The following RGS5 variants were observed in gnomAD, a reference collection of about 807,000 sequenced individuals.
RGS5 encodes the protein regulator of G protein signaling 5, also known as regulator of G-protein signalling 5.
A neutral mutation model predicts 18.9 loss-of-function variants in RGS5; 20 were observed. That is an observed-to-expected ratio of 1.06 (90% CI 0.74 to 1.54). RGS5 has a LOEUF of 1.54. Ranked by LOEUF, RGS5 falls within the 40% of genes most tolerant of loss-of-function variation. The probability of loss-of-function intolerance (pLI) is 0.00; values close to 1 mark genes in which losing one functional copy is unlikely to be tolerated. For synonymous variants in RGS5, 57 were observed against 76.2 expected, an observed-to-expected ratio of 0.75 and a Z score of 1.31; for missense variants, 201 against 211.8, an observed-to-expected ratio of 0.95 and a Z score of 0.32.
intron 2 of RGS5, among the ~76,000 whole-genome samples, chr1:163,293,162 G>C (rs1004997728): frequency 6.6e-6 from 1 of 152,184 alleles, no homozygotes; most frequent in African/African-American, 2.4e-5. Flanking sequence ...TTACATTTAA[G>C]TCTTTAATCC....
At chr1:163,265,823 C>T (rs1289032333) in intron 2 of RGS5, among the ~76,000 whole-genome samples, 2 of 152,130 alleles carry the variant, frequency 1.3e-5, no homozygotes. Flanking sequence ...ACCTCAATAA[C>T]CACTTCCTTT....
At chr1:163,267,909 C>A (rs1390859633) in intron 2 of RGS5, among the ~76,000 whole-genome samples, 2 of 152,110 alleles carry the variant, frequency 1.3e-5, no homozygotes, top group African/African-American at 4.8e-5. Flanking sequence ...GCAAATTATT[C>A]AAGGAGCTGA....
chr1:163,208,407 A>T (rs1660006656), intron 1 of RGS5, among the ~76,000 whole-genome samples: 1 of 147,552 alleles, frequency 6.8e-6, no homozygotes, highest in South Asian at 2.2e-4. Flanking sequence ...TTAGCCAGGC[A>T]TGCAGTAGGC....
upstream of RGS5, among the ~76,000 whole-genome samples, chr1:163,220,746 G>A (rs1433686881): frequency 6.6e-6 from 1 of 152,040 alleles, no homozygotes; most frequent in Non-Finnish European, 1.5e-5. Context: ...ATCTTGAGAT[G>A]GGGAAATTAA....
At chr1:163,307,623 T>A (rs77521118) in intron 1 of RGS5, among the ~76,000 whole-genome samples, 7 of 147,970 alleles carry the variant, frequency 4.7e-5, no homozygotes, top group Non-Finnish European at 6.0e-5. Context: ...TTAAGAGTAA[T>A]AAAAAAAAAA....
rs1656964144 is a variant in RGS5, at chr1:163,142,538, G to C, written c.*4804C>G. 6.9e-6 allele frequency: 1 copy of C among 145,310 alleles called. No individual in the cohort carries two copies. Among genetic ancestry groups the C allele is most frequent in the Admixed American group, 6.6e-5 (1 of 15,040 alleles). The allele number at this position is 145,310 out of a possible 1,614,324, so 9.0% of individuals were successfully genotyped here. ...TGGCTGTGTCTTCCGAAGATGAGTTGCTAGTTGCAACATTAAAAAAAAATA... is the reference window on the plus strand; with the variant it reads ...TGGCTGTGTCTTCCGAAGATGAGTTCCTAGTTGCAACATTAAAAAAAAATA... On this transcript the variant is annotated 3_prime_UTR_variant, in exon 5 of 5. Transcript: ENST00000313961.
intron 1 of RGS5, among the ~76,000 whole-genome samples, chr1:163,181,982 C>T (rs570977464): frequency 1.3e-5 from 2 of 152,026 alleles, no homozygotes; most frequent in African/African-American, 4.8e-5. Context: ...AGATATGTTG[C>T]GATGCTAAAT....
At chr1:163,318,504 C>T (rs1189766227) in intron 1 of RGS5, among the ~76,000 whole-genome samples, 1 of 152,038 alleles carries the variant, frequency 6.6e-6, no homozygotes, top group Admixed American at 6.6e-5. Flanking sequence ...TTGAAGGGCT[C>T]GTGAGCCTCC....
chr1:163,181,123 G>A (rs979412451), intron 1 of RGS5, among the ~76,000 whole-genome samples: 1 of 152,094 alleles, frequency 6.6e-6, no homozygotes, highest in African/African-American at 2.4e-5. Flanking sequence ...GGTCTGAGGT[G>A]GGGTTTGAGG....
At chr1:163,290,984 G>A (rs1429187927) in intron 2 of RGS5, among the ~76,000 whole-genome samples, 1 of 152,054 alleles carries the variant, frequency 6.6e-6, no homozygotes, top group Non-Finnish European at 1.5e-5. Flanking sequence ...GAACAGTTTA[G>A]TCAAACTGTT....
chr1:163,172,244 T>C (rs1052761777), intron 1 of RGS5, among the ~76,000 whole-genome samples: 6 of 152,202 alleles, frequency 3.9e-5, no homozygotes, highest in African/African-American at 9.6e-5. Context: ...GATAAAACTA[T>C]TGAAAAGCGC....
intron 2 of RGS5, among the ~76,000 whole-genome samples, chr1:163,296,309 C>T (rs780364650): frequency 1.3e-5 from 2 of 152,112 alleles, no homozygotes; most frequent in African/African-American, 4.8e-5. Flanking sequence ...TGAGGTTTTG[C>T]GATCTACCTG....
rs151253637 is a variant in RGS5 at position 163,142,978 on chromosome 1, G to A, written c.*4364C>T. On this transcript the variant is annotated 3_prime_UTR_variant, in exon 5 of 5. Transcript: ENST00000313961. ...GAGAATAATATTCCAAATGTTTGTT[G>A]TTGTCGTTGTTGTTGCCGTGGCCTG... The A allele has an allele frequency of 6.6e-6, 1 of 152,290 alleles. No individual in the cohort carries two copies. The highest frequency in any genetic ancestry group is 1.9e-4 in the East Asian group (1 of 5,186). 9.4% of individuals were successfully genotyped at this position (152,290 alleles called of 1,614,324 possible).
chr1:163,303,111 G>A (rs1162440004), intron 2 of RGS5, among the ~76,000 whole-genome samples: 2 of 152,046 alleles, frequency 1.3e-5, no homozygotes, highest in African/African-American at 2.4e-5. Context: ...ATTTCAAATG[G>A]AGAAAAAATA....
chr1:163,174,139 A>G (rs1202847076), intron 1 of RGS5, among the ~76,000 whole-genome samples: 3 of 152,158 alleles, frequency 2.0e-5, no homozygotes, highest in Admixed American at 6.6e-5. Flanking sequence ...TAACTTCCCA[A>G]TGTGCAATGG....
upstream of RGS5, chr1:163,202,932 C>G: frequency 8.6e-7 from 1 of 1,157,694 alleles, no homozygotes; most frequent in South Asian, 1.3e-5. Flanking sequence ...GCCTTTCCTC[C>G]TGAGGTATAT....
At chr1:163,175,403 G>A (rs1446280037) in intron 1 of RGS5, among the ~76,000 whole-genome samples, 2 of 152,168 alleles carry the variant, frequency 1.3e-5, no homozygotes, top group African/African-American at 4.8e-5. Flanking sequence ...TCATATCAGT[G>A]GAGTTTGCTC....
intron 1 of RGS5, chr1:163,321,359 C>T (rs1443053223): frequency 6.6e-6 from 1 of 152,160 alleles, no homozygotes; most frequent in East Asian, 1.9e-4. Context: ...ATGTTCCTTC[C>T]ACCTCTTGAA....
chr1:163,186,578 CAA>C (rs34092786), intron 1 of RGS5, among the ~76,000 whole-genome samples: 16,245 of 95,586 alleles, frequency 0.17, 1,064 homozygotes, highest in South Asian at 0.31. Context: ...GACTCTGTCT[CAA>C]AAAAAAAAAA....
Sources: allele counts gnomAD v4.1 joint callset (sites outside exome capture counted in the v4.1 genomes callset), GRCh38; gene constraint gnomAD v4.1.1; transcripts MANE v1.5; gene names NCBI Gene and HGNC (gene_info 2026-07-23, HGNC 2026-07-21).